PHKB: variants seen among roughly 807,000 people sequenced by gnomAD.
PHKB encodes phosphorylase b kinase regulatory subunit beta.
In PHKB, 122 loss-of-function variants were observed where a neutral mutation model predicts 152.1. The observed-to-expected ratio is 0.80, with a 90% CI of 0.69 to 0.93. The LOEUF is 0.93. Ranked by LOEUF, PHKB falls within the 40% of genes least tolerant of loss-of-function variation. The probability of loss-of-function intolerance (pLI) is 0.00; values close to 1 mark genes in which losing one functional copy is unlikely to be tolerated. For missense variants in PHKB, 1,304 were observed against 1,328.4 expected, an observed-to-expected ratio of 0.98 and a Z score of 0.29; for synonymous variants, 436 against 464.9, an observed-to-expected ratio of 0.94 and a Z score of 0.80.
chr16:47,551,937 T>A (rs1971278970), intron 7 of PHKB, among the ~76,000 whole-genome samples: 1 of 152,368 alleles, frequency 6.6e-6, no homozygotes, highest in Middle Eastern at 3.4e-3. Flanking sequence ...TTAGCTCTTC[T>A]TGTTGCATTG....
rs368312398 is a variant in PHKB, at chr16:47,644,766, T to G, written c.1608+3074T>G. Among the ~76,000 whole-genome samples the G allele has an allele frequency of 3.2e-4, 48 of 152,326 alleles. No homozygotes were observed. In the South Asian group the frequency reaches 9.3e-3, roughly 30 times the overall value. On this transcript the variant is annotated intron_variant, in intron 16 of 30. Coordinates refer to ENST00000323584, the MANE Select transcript of PHKB (RefSeq NM_000293.3). ...TTTAGCTGTTGGGAAGGGAAGTCCA[T>G]TTTTAGAATGATACCAGTGCCAAAA...
intron 5 of PHKB, 87 bp from the exon 6 acceptor site, chr16:47,515,434 T>A: frequency 1.3e-6 from 1 of 745,590 alleles, no homozygotes; most frequent in Non-Finnish European, 2.5e-6. Flanking sequence ...TTAGAGCAAA[T>A]GACTTGTAAT....
intron 4 of PHKB, among the ~76,000 whole-genome samples, chr16:47,507,802 G>C (rs1485807271): frequency 6.6e-6 from 1 of 152,228 alleles, no homozygotes; most frequent in Non-Finnish European, 1.5e-5. Flanking sequence ...GACTCAGGGA[G>C]ATTGAAGCAT....
chr16:47,663,808 A>G, intron 24 of PHKB, 74 bp downstream of exon 24: 1 of 878,634 alleles, frequency 1.1e-6, no homozygotes, highest in Non-Finnish European at 1.9e-6. Flanking sequence ...AAAATGGACC[A>G]ATATTAAAGA....
intron 16 of PHKB, among the ~76,000 whole-genome samples, chr16:47,644,180 A>G (rs1340932713): frequency 1.3e-5 from 2 of 152,200 alleles, no homozygotes; most frequent in Admixed American, 1.3e-4. Context: ...AACTATTAAT[A>G]TATGAGGGAA....
chr16:47,473,527 T>TTA (rs1969817264), intron 1 of PHKB, among the ~76,000 whole-genome samples: 1 of 152,100 alleles, frequency 6.6e-6, no homozygotes, highest in South Asian at 2.1e-4. Context: ...ATAGACTTTA[T>TTA]TAGTTTATTT....
At chr16:47,670,437 G>A (rs1265584694) in intron 26 of PHKB, among the ~76,000 whole-genome samples, 4 of 152,014 alleles carry the variant, frequency 2.6e-5, no homozygotes, top group African/African-American at 9.7e-5. Flanking sequence ...TTATAATTGT[G>A]GTTGTATCAA....
chr16:47,540,298 AACTCTGTTTTCTGT>A (rs1280933549), intron 6 of PHKB, among the ~76,000 whole-genome samples: 1 of 131,992 alleles, frequency 7.6e-6, no homozygotes, highest in Non-Finnish European at 1.5e-5. Context: ...TCTGCTCTCG[AACTCTGTTTTCTGT>A]TGTTTAAAAT....
chr16:47,515,443 A>AT (rs1970579005), intron 5 of PHKB, 78 bp from the exon 6 acceptor site: 1 of 763,182 alleles, frequency 1.3e-6, no homozygotes, highest in East Asian at 2.5e-5. Context: ...ATGACTTGTA[A>AT]TTTTAGCCTT....
At chr16:47,569,974 T>C (rs974351479) in intron 7 of PHKB, among the ~76,000 whole-genome samples, 2 of 152,230 alleles carry the variant, frequency 1.3e-5, no homozygotes, top group African/African-American at 4.8e-5. Context: ...CTTATAGAGC[T>C]GGCCTACTGG....
At position 47,683,486 on chromosome 16, in the gene PHKB, G is replaced by A. The variant is rs557156690; in HGVS notation, c.2631-5555G>A. Among the ~76,000 whole-genome samples, 257 of 152,220 alleles carry A rather than the reference G, an allele frequency of 1.7e-3. 1 individual carries two copies. Among genetic ancestry groups the A allele is most frequent in the Middle Eastern group, 3.4e-3 (1 of 294 alleles). On this transcript the variant is annotated intron_variant, in intron 26 of 30. Coordinates refer to ENST00000323584, the MANE Select transcript of PHKB (RefSeq NM_000293.3). ...TGGCAGGCACCCCTCTCCCACCCTCGCTGCCGCCTTGCAGTTTGATCTCAG... is the reference window on the plus strand; with the variant it reads ...TGGCAGGCACCCCTCTCCCACCCTCACTGCCGCCTTGCAGTTTGATCTCAG...
intron 8 of PHKB, among the ~76,000 whole-genome samples, chr16:47,586,551 C>T (rs1971938546): frequency 6.6e-6 from 1 of 152,040 alleles, no homozygotes; most frequent in South Asian, 2.1e-4. Context: ...GAAAAAAATA[C>T]CTCTAGTGAA....
chr16:47,649,071 T>A (rs1266272256), intron 17 of PHKB, 29 bp from the exon 18 acceptor site: 1 of 1,220,542 alleles, frequency 8.2e-7, no homozygotes, highest in East Asian at 2.3e-5. Flanking sequence ...GTTCTTTAGT[T>A]ATTTGTTTTA....
intron 4 of PHKB, among the ~76,000 whole-genome samples, chr16:47,510,965 T>A (rs372500459): frequency 3.9e-4 from 60 of 152,306 alleles, no homozygotes; most frequent in African/African-American, 1.4e-3. Context: ...CATCAGTAAA[T>A]GTTTGCCATG....
At chr16:47,575,440 T>A (rs773775883) in intron 7 of PHKB, among the ~76,000 whole-genome samples, 3 of 152,220 alleles carry the variant, frequency 2.0e-5, no homozygotes, top group Non-Finnish European at 4.4e-5. Context: ...TGCAAAGATA[T>A]GAATCAACCT....
intron 6 of PHKB, among the ~76,000 whole-genome samples, chr16:47,534,178 A>G (rs1021698023): frequency 6.6e-6 from 1 of 152,184 alleles, no homozygotes; most frequent in African/African-American, 2.4e-5. Flanking sequence ...CTGGCGTGAT[A>G]ACAGCAGCCA....
intron 7 of PHKB, among the ~76,000 whole-genome samples, chr16:47,564,860 C>T (rs1597089459): frequency 6.6e-6 from 1 of 152,014 alleles, no homozygotes; most frequent in East Asian, 1.9e-4. Flanking sequence ...AGTATTCTTT[C>T]CCCAGTGTGT....
intron 6 of PHKB, among the ~76,000 whole-genome samples, chr16:47,519,299 G>A (rs1970647229): frequency 6.6e-6 from 1 of 152,178 alleles, no homozygotes; most frequent in South Asian, 2.1e-4. Flanking sequence ...TCTTTGCTAT[G>A]TAACAAACTA....
intron 1 of PHKB, among the ~76,000 whole-genome samples, chr16:47,485,800 T>C (rs752852324): frequency 2.1e-4 from 32 of 152,140 alleles, no homozygotes; most frequent in South Asian, 2.1e-4. Flanking sequence ...TTAAATTTTT[T>C]TGTACAGATG....
Sources: gnomAD v4.1 joint callset for allele counts (sites outside exome capture counted in the v4.1 genomes callset) on GRCh38, gnomAD v4.1.1 for gene constraint, MANE v1.5 for transcripts, NCBI Gene and HGNC (gene_info 2026-07-23, HGNC 2026-07-21) for gene names.